The following BET1 variants were observed in gnomAD, a reference collection of about 807,000 sequenced individuals.
BET1 encodes the protein Bet1 golgi vesicular membrane trafficking protein.
In BET1, 9 loss-of-function variants were observed where a neutral mutation model predicts 13.9. That is an observed-to-expected ratio of 0.65 (90% CI 0.39 to 1.13). The LOEUF (loss-of-function observed/expected upper bound fraction) is 1.13. BET1 is among the 50% of genes most tolerant of loss of function. The probability of loss-of-function intolerance (pLI) is 0.01; values close to 1 mark genes in which losing one functional copy is unlikely to be tolerated. For missense variants in BET1, 127 were observed against 133.6 expected (o/e 0.95, Z 0.24); for synonymous variants, 39 against 47.3 (o/e 0.82, Z 0.72).
chr7:93,975,912 T>A (rs1211729279), exon 5 of BET1: 5 of 1,135,294 alleles, frequency 4.4e-6, no homozygotes, highest in Non-Finnish European at 5.6e-6. Context: ...ACTTCTTTCT[T>A]GGAAGATTTG....
intron 6 of BET1, among the ~76,000 whole-genome samples, chr7:93,972,208 G>A (rs986319513): frequency 6.6e-6 from 1 of 151,784 alleles, no homozygotes; most frequent in African/African-American, 2.4e-5. Context: ...TGCTTCTCCT[G>A]TGTAACAATG....
chr7:93,993,793 T>G lies in BET1; in HGVS notation c.*437A>C. 1 of 1,519,286 alleles carries G rather than the reference T, an allele frequency of 6.6e-7. No homozygotes were observed. The highest frequency in any genetic ancestry group is 8.8e-7 in the Non-Finnish European group (1 of 1,140,488). The allele number at this position is 1,519,286 out of a possible 1,614,324, so 94.1% of individuals were successfully genotyped here. A position where few individuals can be genotyped will look rare whatever the true frequency, so the allele number is the denominator to read the frequency against. ...GAGTATATCATTACAGTTGATGCAG[T>G]TAGGAAAATTCAATTACCATTTTAC... is the stretch of plus-strand genomic sequence containing the variant. On this transcript the variant is annotated 3_prime_UTR_variant, in exon 4 of 4. Transcript: ENST00000222547.
At chr7:93,983,785 A>C (rs1795473165) in intron 4 of BET1, among the ~76,000 whole-genome samples, 1 of 152,172 alleles carries the variant, frequency 6.6e-6, no homozygotes, top group South Asian at 2.1e-4. Context: ...AAAAGAAATA[A>C]AGTCTTTTGA....
intron 4 of BET1, among the ~76,000 whole-genome samples, chr7:93,978,639 ATTAC>A (rs1335969876): frequency 6.6e-6 from 1 of 152,116 alleles, no homozygotes; most frequent in African/African-American, 2.4e-5. Context: ...CAGTTTATAG[ATTAC>A]TTAAAGTAAA....
downstream of BET1, among the ~76,000 whole-genome samples, chr7:93,988,414 T>C (rs769392801): frequency 2.6e-5 from 4 of 152,214 alleles, no homozygotes; most frequent in East Asian, 1.9e-4. Flanking sequence ...GAGTTTTACA[T>C]AGCAGATGCT....
At chr7:94,004,075 C>G (rs1795973200) in intron 1 of BET1, 123 bp downstream of exon 1, 2 of 1,385,528 alleles carry the variant, frequency 1.4e-6, no homozygotes, top group Admixed American at 1.8e-5. Context: ...CCCCAAAGAT[C>G]CCCTCTAGAC....
chr7:93,963,320 G>C (rs1795126778), exon 7 of BET1: 1 of 151,836 alleles, frequency 6.6e-6, no homozygotes, highest in African/African-American at 2.4e-5. Flanking sequence ...CCAGTCTCAG[G>C]TATGTCTTTA....
At chr7:93,968,868 T>C (rs553673843) in intron 6 of BET1, among the ~76,000 whole-genome samples, 2 of 151,912 alleles carry the variant, frequency 1.3e-5, no homozygotes, top group Non-Finnish European at 2.9e-5. Context: ...ACAAATGTAA[T>C]TGAAGAAGTT....
At chr7:93,981,925 G>A (rs1056247528) in intron 4 of BET1, among the ~76,000 whole-genome samples, 4 of 152,198 alleles carry the variant, frequency 2.6e-5, no homozygotes, top group African/African-American at 9.6e-5. Flanking sequence ...CAGCTGGGAA[G>A]CAAAGAAAGC....
chr7:93,979,783 G>A (rs1306020572), intron 4 of BET1, among the ~76,000 whole-genome samples: 1 of 151,594 alleles, frequency 6.6e-6, no homozygotes, highest in South Asian at 2.1e-4. Context: ...ATTCTTCTGA[G>A]GGTTGCTCAG....
At position 93,978,507 on chromosome 7, in the gene BET1, T is replaced by C. The variant is rs567350252; in HGVS notation, c.236-2407A>G. Among the ~76,000 whole-genome samples the C allele has an allele frequency of 2.6e-5, 4 of 152,332 alleles. No individual in the cohort carries two copies. The East Asian group carries it at 7.7e-4, about 29-fold the overall frequency. On this transcript the variant is annotated intron_variant and NMD_transcript_variant, in intron 4 of 6. Transcript: ENST00000357520. ...CATTTCCCCCTTGATGCATTTCTCA[T>C]TACATTATCATACATTGTTAGAGTT...
chr7:93,987,319 A>C (rs1562804045), intron 4 of BET1: 1 of 152,190 alleles, frequency 6.6e-6, no homozygotes, highest in Non-Finnish European at 1.5e-5. Context: ...AAATGCCGGC[A>C]GTTGAGGAAA....
At chr7:93,992,011 C>T (rs1032195963), downstream of BET1, 1 of 985,190 alleles carries the variant, frequency 1.0e-6, no homozygotes, top group African/African-American at 1.7e-5. Context: ...AATTCTGATG[C>T]TTAAAATGTT....
chr7:93,981,410 G>C (rs1175737208), intron 4 of BET1, among the ~76,000 whole-genome samples: 1 of 152,162 alleles, frequency 6.6e-6, no homozygotes, highest in Non-Finnish European at 1.5e-5. Context: ...ATAGCAAAAA[G>C]CTATCATGTT....
chr7:93,968,401 T>G (rs1795208484), intron 6 of BET1: 1 of 151,814 alleles, frequency 6.6e-6, no homozygotes, highest in Non-Finnish European at 1.5e-5. Context: ...AACTTAATAT[T>G]CATTAAGTCA....
intron 6 of BET1, among the ~76,000 whole-genome samples, chr7:93,967,035 G>A (rs1197970344): frequency 1.3e-5 from 2 of 151,836 alleles, no homozygotes; most frequent in African/African-American, 2.4e-5. Flanking sequence ...TTAAGCAATG[G>A]AAACCATTTT....
chr7:93,971,035 T>G (rs1562799561), intron 6 of BET1, among the ~76,000 whole-genome samples: 1 of 151,824 alleles, frequency 6.6e-6, no homozygotes, highest in Non-Finnish European at 1.5e-5. Flanking sequence ...TACTGAAGAT[T>G]GTAATTTATG....
downstream of BET1, among the ~76,000 whole-genome samples, chr7:93,990,686 T>C (rs1795615967): frequency 6.6e-6 from 1 of 152,096 alleles, no homozygotes; most frequent in Non-Finnish European, 1.5e-5. Flanking sequence ...CATTAAACAG[T>C]TTTTCTTTTC....
chr7:93,996,187 A>C (rs778951102), intron 3 of BET1, 78 bp downstream of exon 3: 2 of 1,110,356 alleles, frequency 1.8e-6, no homozygotes, highest in Non-Finnish European at 2.7e-6. Context: ...TCTGTATTTC[A>C]AAATGAATAA....
Sources: allele counts gnomAD v4.1 joint callset (sites outside exome capture counted in the v4.1 genomes callset), GRCh38; gene constraint gnomAD v4.1.1; transcripts MANE v1.5; gene names NCBI Gene and HGNC (gene_info 2026-07-23, HGNC 2026-07-21).